OSR1: variants seen among roughly 807,000 people sequenced by gnomAD.
The protein encoded by OSR1 is protein odd-skipped-related 1.
Under a neutral mutation model 15.7 loss-of-function variants are expected in OSR1, and 3 were observed. The observed-to-expected ratio is 0.19, with a 90% confidence interval of 0.09 to 0.50. The LOEUF is 0.50. Among genes scored for constraint, OSR1 ranks in the 20% least tolerant of loss-of-function variants. OSR1 has a pLI of 0.97. For missense variants in OSR1, 271 were observed against 351.1 expected (o/e 0.77, Z 1.82); for synonymous variants, 166 against 152.7 (o/e 1.09, Z -0.64).
At chr2:19,349,184 A>T (rs1664790967), downstream of OSR1, among the ~76,000 whole-genome samples, 1 of 152,152 alleles carries the variant, frequency 6.6e-6, no homozygotes, top group Non-Finnish European at 1.5e-5. Context: ...TGCAACCCAC[A>T]CTGAGTATGA....
the OSR1 span, among the ~76,000 whole-genome samples, chr2:19,345,748 C>T: frequency 6.6e-6 from 1 of 152,296 alleles, no homozygotes; most frequent in East Asian, 1.9e-4. Context: ...ACAACACATG[C>T]TCTGGTCCTT....
downstream of OSR1, among the ~76,000 whole-genome samples, chr2:19,347,586 C>A (rs913301636): frequency 1.3e-5 from 2 of 152,220 alleles, no homozygotes; most frequent in African/African-American, 4.8e-5. Context: ...GCCAACTGGG[C>A]CCAACTACCA....
chr2:19,349,217 TCCAACCACATCAA>T (rs1423434852), downstream of OSR1, among the ~76,000 whole-genome samples: 3 of 152,166 alleles, frequency 2.0e-5, no homozygotes, highest in African/African-American at 7.2e-5. Context: ...GGCACTAGTT[TCCAACCACATCAA>T]CCAACCACAT....
downstream of OSR1, among the ~76,000 whole-genome samples, chr2:19,347,329 T>A (rs143637859): frequency 3.6e-3 from 553 of 152,322 alleles, 2 homozygotes; most frequent in Non-Finnish European, 5.8e-3. Flanking sequence ...TGTATTACTT[T>A]TAACTCTACA....
At position 19,352,019 on chromosome 2, in the gene OSR1, T is replaced by C; in HGVS notation, c.*256A>G. 2.7e-6 allele frequency: 1 copy of C among 373,114 alleles called. No homozygotes were observed. The highest frequency in any genetic ancestry group is 4.8e-6 in the Non-Finnish European group (1 of 208,918). 23.1% of individuals were successfully genotyped at this position (373,114 alleles called of 1,614,324 possible). The stretch of plus-strand genomic sequence containing the variant: ...AGCTTTCGTTCTTTTTTTAATGCAG[T>C]TTCCCTTCCGCCACGTGAGTACCGC... On this transcript the variant is annotated 3_prime_UTR_variant, in exon 3 of 3. Transcript: ENST00000272223.
Position 19,352,229 on chromosome 2 carries a change from G to A in OSR1, c.*46C>T. The A allele has an allele frequency of 1.2e-6, 2 of 1,606,166 alleles. No homozygotes were observed. The highest frequency in any genetic ancestry group is 1.7e-6 in the Non-Finnish European group (2 of 1,174,552). ...GAGTCAGGCTTCTGGTCCCTATGGA[G>A]GAGAGGGCCGCTGGGCCTAGGGTCC... On this transcript the variant is annotated 3_prime_UTR_variant, in exon 3 of 3. Coordinates refer to ENST00000272223, the MANE Select transcript of OSR1 (RefSeq NM_145260.3).
chr2:19,352,531 A>G lies in OSR1; in HGVS notation c.666-121T>C, dbSNP rs1664861916. On this transcript the variant is annotated intron_variant, in intron 2 of 2. Transcript: ENST00000272223. ...TCAAAGGAAAAGTGTATAGTCAGGT[A>G]CCAAGTGTGGATGGGACAAAATGTT... 9.0e-6 allele frequency: 11 copies of G among 1,221,194 alleles called. No individual in the cohort carries two copies. The South Asian group carries it at 1.6e-4, about 17-fold the overall frequency. 75.6% of individuals were successfully genotyped at this position (1,221,194 alleles called of 1,614,324 possible). A position where few individuals can be genotyped will look rare whatever the true frequency, so the allele number is the denominator to read the frequency against.
chr2:19,346,754 G>C (rs749782105), downstream of OSR1: 10 of 152,218 alleles, frequency 6.6e-5, no homozygotes, highest in Admixed American at 1.3e-4. Context: ...GGCAACTGAG[G>C]GAGAACTTGT....
At chr2:19,347,086 G>A (rs1262336167), downstream of OSR1, among the ~76,000 whole-genome samples, 4 of 152,186 alleles carry the variant, frequency 2.6e-5, no homozygotes, top group African/African-American at 9.7e-5. Context: ...CACCAGTTCA[G>A]TGATATTCTT....
At chr2:19,353,005 T>C (rs754444545) in intron 2 of OSR1, 136 bp downstream of exon 2, 21 of 1,138,750 alleles carry the variant, frequency 1.8e-5, no homozygotes, top group Non-Finnish European at 2.6e-5. Flanking sequence ...TCCTAGGCTT[T>C]CCTTCTTGAT....
At chr2:19,347,456 G>C (rs1406995535), downstream of OSR1, among the ~76,000 whole-genome samples, 8 of 152,184 alleles carry the variant, frequency 5.3e-5, no homozygotes, top group Non-Finnish European at 1.2e-4. Context: ...CTAGAGCTGG[G>C]TCTTCTGGCC....
chr2:19,349,083 G>A (rs1340149412), downstream of OSR1, among the ~76,000 whole-genome samples: 1 of 152,232 alleles, frequency 6.6e-6, no homozygotes, highest in Non-Finnish European at 1.5e-5. Flanking sequence ...GGAGACAAGA[G>A]CTGGGACTTT....
chr2:19,353,722 G>A lies in OSR1; in HGVS notation c.84C>T (p.Asn28=). The A allele has an allele frequency of 6.2e-7, 1 of 1,614,066 alleles. No homozygotes were observed. Among genetic ancestry groups the A allele is most frequent in the Non-Finnish European group, 8.5e-7 (1 of 1,179,972 alleles). The change falls in exon 2 of 3, where the codon AAC becomes AAT. Residue 28 remains asparagine, a synonymous_variant. Coordinates refer to ENST00000272223, the MANE Select transcript of OSR1 (RefSeq NM_145260.3). ...GGTCCGAAGGCACTGTGGGCAGGCC[G>A]TTCACTGCCTGAAGGAAGGAGTAGT... ...LTNYSFLQAV[N]GLPTVPSDHL...
chr2:19,352,558 A>T, intron 2 of OSR1, 148 bp from the exon 3 acceptor site: 2 of 970,516 alleles, frequency 2.1e-6, no homozygotes, highest in Non-Finnish European at 3.1e-6. Flanking sequence ...CAAAATGTTA[A>T]TTGGGGATGG....
chr2:19,355,738 G>C (rs1664935796), intron 1 of OSR1: 1 of 152,284 alleles, frequency 6.6e-6, no homozygotes, highest in Non-Finnish European at 1.5e-5. Context: ...CTCTGAAGCA[G>C]AGCGCTGGTG....
At chr2:19,353,965 G>T (rs1466311458) in intron 1 of OSR1, 128 bp from the exon 2 acceptor site, 6 of 782,904 alleles carry the variant, frequency 7.7e-6, no homozygotes, top group Non-Finnish European at 1.2e-5. Flanking sequence ...AAGAGTCTAA[G>T]ACCCCATTCC....
At position 19,352,082 on chromosome 2, in the gene OSR1, G is replaced by A; in HGVS notation, c.*193C>T. ...AGTTTAGCCGCGTCCTAGGGGAGCA[G>A]CAGGGACGGTCGGGGTCGCGGCCCC... On this transcript the variant is annotated 3_prime_UTR_variant, in exon 3 of 3. Coordinates refer to ENST00000272223, the MANE Select transcript of OSR1 (RefSeq NM_145260.3). The A allele has an allele frequency of 1.8e-6, 1 of 541,384 alleles. No homozygotes were observed. The highest frequency in any genetic ancestry group is 3.0e-5 in the East Asian group (1 of 33,034). 33.5% of individuals were successfully genotyped at this position (541,384 alleles called of 1,614,324 possible). A position where few individuals can be genotyped will look rare whatever the true frequency, so the allele number is the denominator to read the frequency against.
Position 19,353,203 on chromosome 2 carries a change from C to A in OSR1, c.603G>T (p.Arg201=), listed in dbSNP as rs773671130. ...LIHERTHTDE[R]PYTCDICHKA... is the part of the protein sequence containing the mutation. The stretch of plus-strand genomic sequence containing the variant: ...TGTGGCAGATGTCACAGGTGTAGGG[C>A]CGCTCGTCGGTGTGCGTCCGCTCAT... Residue 201 remains arginine, a synonymous_variant, in exon 2 of 3, where the codon CGG becomes CGT. Coordinates refer to ENST00000272223, the MANE Select transcript of OSR1 (RefSeq NM_145260.3). 4 of 1,614,210 alleles carry A rather than the reference C, an allele frequency of 2.5e-6. No homozygotes were observed. In the East Asian group the frequency reaches 6.7e-5, roughly 27 times the overall value.
downstream of OSR1, among the ~76,000 whole-genome samples, chr2:19,347,843 C>T (rs1664758295): frequency 6.6e-6 from 1 of 152,250 alleles, no homozygotes; most frequent in African/African-American, 2.4e-5. Context: ...CTCCAGCCCG[C>T]ATTAGCCAAG....
Sources: allele counts gnomAD v4.1 joint callset (sites outside exome capture counted in the v4.1 genomes callset), GRCh38; gene constraint gnomAD v4.1.1; transcripts MANE v1.5; gene names NCBI Gene and HGNC (gene_info 2026-07-23, HGNC 2026-07-21).